The following BBS9 variants were observed in gnomAD, a reference collection of about 807,000 sequenced individuals.
The protein encoded by BBS9 is protein PTHB1.
Under a neutral mutation model 117.7 loss-of-function variants are expected in BBS9, and 89 were observed. The ratio of observed to expected loss-of-function variants is 0.76; its 90% CI spans 0.64 to 0.90. The LOEUF (loss-of-function observed/expected upper bound fraction) is 0.90. BBS9 is among the 40% of genes least tolerant of loss of function. The probability of loss-of-function intolerance (pLI) is 0.00; values close to 1 mark genes in which losing one functional copy is unlikely to be tolerated. For synonymous variants in BBS9, 379 were observed against 370.9 expected (o/e 1.02, Z -0.25); for missense variants, 982 against 1,042.2 (o/e 0.94, Z 0.80).
intron 7 of BBS9, among the ~76,000 whole-genome samples, chr7:33,271,581 T>G (rs1399771149): frequency 6.6e-6 from 1 of 152,174 alleles, no homozygotes; most frequent in Non-Finnish European, 1.5e-5. Context: ...AAAACAGACT[T>G]TAAACCAACA....
At chr7:33,520,973 T>G (rs1195560412) in intron 20 of BBS9, among the ~76,000 whole-genome samples, 1 of 152,148 alleles carries the variant, frequency 6.6e-6, no homozygotes, top group Non-Finnish European at 1.5e-5. Context: ...ATTTGCATTA[T>G]CAATTTGATT....
At chr7:33,461,403 C>T (rs945557597) in intron 19 of BBS9, among the ~76,000 whole-genome samples, 2 of 151,860 alleles carry the variant, frequency 1.3e-5, no homozygotes, top group East Asian at 3.9e-4. Flanking sequence ...ATACTTTCCT[C>T]AATGCTTTGA....
intron 4 of BBS9, among the ~76,000 whole-genome samples, chr7:33,174,887 C>G (rs951823689): frequency 6.6e-6 from 1 of 152,230 alleles, no homozygotes; most frequent in Non-Finnish European, 1.5e-5. Context: ...TGTGATTCCT[C>G]CTCAGCTTCC....
At chr7:33,398,528 C>T (rs1584656684) in intron 19 of BBS9, among the ~76,000 whole-genome samples, 1 of 152,164 alleles carries the variant, frequency 6.6e-6, no homozygotes, top group South Asian at 2.1e-4. Context: ...TTTCTTTATT[C>T]GGGTCAGAGT....
At chr7:33,179,388 G>A (rs912086910) in intron 5 of BBS9, among the ~76,000 whole-genome samples, 3 of 152,262 alleles carry the variant, frequency 2.0e-5, no homozygotes, top group Non-Finnish European at 2.9e-5. Context: ...AGTGAGCAAA[G>A]CTTCATCTGT....
chr7:33,528,371 C>G (rs1850000866), intron 20 of BBS9, among the ~76,000 whole-genome samples: 1 of 151,980 alleles, frequency 6.6e-6, no homozygotes, highest in Admixed American at 6.6e-5. Context: ...TTCTCTCTCT[C>G]TTAGGTTTAA....
At chr7:33,151,050 G>C (rs1279512846) in intron 2 of BBS9, among the ~76,000 whole-genome samples, 1 of 152,160 alleles carries the variant, frequency 6.6e-6, no homozygotes, top group Admixed American at 6.5e-5. Context: ...CCAGAAGTTT[G>C]AGACCAGCCC....
Position 33,533,975 on chromosome 7 carries a change from G to A in BBS9, c.2320G>A (p.Ala774Thr), listed in dbSNP as rs547262253. Residue 774 changes from alanine to threonine, a missense_variant, in exon 21 of 23, where the codon GCC becomes ACC. Ala to Thr is a moderately conservative substitution (Grantham distance 58, BLOSUM62 0). Transcript: ENST00000242067. Reference protein sequence around the residue: ...QELGWEETVDAAISHLLKTCL... With the variant: ...QELGWEETVDTAISHLLKTCL... ...CCAGGGCTGGGAAGAAACGGTGGAT[G>A]CCGCCATTTCCCACCTGTTGAAGAC... 9.3e-6 allele frequency: 15 copies of A among 1,614,122 alleles called. No homozygotes were observed. The East Asian group carries it at 3.3e-4, about 36-fold the overall frequency.
At chr7:33,142,384 C>CT (rs1316173154) in intron 1 of BBS9, among the ~76,000 whole-genome samples, 1 of 152,152 alleles carries the variant, frequency 6.6e-6, no homozygotes, top group African/African-American at 2.4e-5. Flanking sequence ...AGGTATTGTA[C>CT]TAAGTGGTCT....
intron 19 of BBS9, among the ~76,000 whole-genome samples, chr7:33,415,709 C>A (rs1831889146): frequency 6.6e-6 from 1 of 152,142 alleles, no homozygotes; most frequent in African/African-American, 2.4e-5. Flanking sequence ...CTTAAACACT[C>A]CCAAGAAAGC....
At chr7:33,480,454 G>A (rs549837557) in intron 19 of BBS9, among the ~76,000 whole-genome samples, 8 of 152,242 alleles carry the variant, frequency 5.3e-5, no homozygotes, top group East Asian at 1.9e-4. Flanking sequence ...AATGAATAGC[G>A]TAGGTAATAA....
chr7:33,205,201 T>G (rs977068625), intron 5 of BBS9, among the ~76,000 whole-genome samples: 3 of 152,224 alleles, frequency 2.0e-5, no homozygotes, highest in Non-Finnish European at 2.9e-5. Context: ...GAGAATTCTC[T>G]GCTTCAAATT....
intron 4 of BBS9, among the ~76,000 whole-genome samples, chr7:33,175,091 G>A (rs1477640881): frequency 2.6e-5 from 4 of 152,118 alleles, no homozygotes; most frequent in African/African-American, 9.7e-5. Context: ...AACACCTGAG[G>A]TCAGGAGTTT....
chr7:33,404,342 C>T (rs1829525755), intron 19 of BBS9, among the ~76,000 whole-genome samples: 2 of 152,080 alleles, frequency 1.3e-5, no homozygotes, highest in African/African-American at 4.8e-5. Flanking sequence ...TTTTTGGTTC[C>T]ATATGAACTT....
At chr7:33,365,546 C>T (rs997378962) in intron 16 of BBS9, among the ~76,000 whole-genome samples, 2 of 152,198 alleles carry the variant, frequency 1.3e-5, no homozygotes, top group African/African-American at 4.8e-5. Context: ...TACTCCCAAT[C>T]TCTTTTTCTC....
At chr7:33,585,087 G>A (rs143833941) in intron 21 of BBS9, among the ~76,000 whole-genome samples, 64 of 152,042 alleles carry the variant, frequency 4.2e-4, no homozygotes, top group African/African-American at 1.4e-3. Flanking sequence ...ACTCTAATGA[G>A]CCACTTTCTC....
At chr7:33,221,346 G>A (rs1790209901) in intron 5 of BBS9, among the ~76,000 whole-genome samples, 1 of 152,006 alleles carries the variant, frequency 6.6e-6, no homozygotes, top group South Asian at 2.1e-4. Flanking sequence ...GTCAATATCT[G>A]GAATAAATGA....
intron 21 of BBS9, among the ~76,000 whole-genome samples, chr7:33,626,558 A>G (rs1176779153): frequency 6.6e-6 from 1 of 152,240 alleles, no homozygotes. Context: ...AAATGCTGAT[A>G]GTGACATGAA....
In BBS9 at chr7:33,173,571, T is replaced by TAA. The variant is rs3083580; in HGVS notation, c.329-3890_329-3889dup. 0.02 allele frequency among the ~76,000 whole-genome samples: 2,416 copies of TAA among 120,224 alleles called. 195 individuals carry two copies. In the East Asian group the frequency reaches 0.28, roughly 14 times the overall value. The allele number at this position is 120,224 out of a possible 152,430, so 78.9% of individuals were successfully genotyped here. ...TTGGCAACAGAGCGAGACTCCATCC[T>TAA]AAAAAAAAAAAAAAAAAATTGAAAA... On this transcript the variant is annotated intron_variant, in intron 4 of 22. Transcript: ENST00000242067.
Sources: allele counts gnomAD v4.1 joint callset (sites outside exome capture counted in the v4.1 genomes callset), GRCh38; gene constraint gnomAD v4.1.1; transcripts MANE v1.5; gene names NCBI Gene and HGNC (gene_info 2026-07-23, HGNC 2026-07-21).